ROCK2: variants seen among roughly 807,000 people sequenced by gnomAD.
The protein encoded by ROCK2 is rho-associated protein kinase 2.
A neutral mutation model predicts 195.1 loss-of-function variants in ROCK2; 61 were observed. The observed-to-expected ratio is 0.31, with a 90% CI of 0.25 to 0.39. ROCK2 has a LOEUF of 0.39. Ranked by LOEUF, ROCK2 falls within the 10% of genes least tolerant of loss-of-function variation. The pLI is 1.00. For missense variants in ROCK2, 1,109 were observed against 1,637.4 expected (o/e 0.68, Z 5.57); for synonymous variants, 504 against 545.5 (o/e 0.92, Z 1.06).
chr2:11,216,366 T>C (rs72785497), intron 12 of ROCK2, among the ~76,000 whole-genome samples, 160 bp from the exon 13 acceptor site: 6,451 of 152,270 alleles, frequency 0.042, 274 homozygotes, highest in Non-Finnish European at 0.06. Flanking sequence ...TGGCGCAATC[T>C]TGGCTCACTA....
chr2:11,333,260 TTTTA>T (rs1371746604), intron 1 of ROCK2, among the ~76,000 whole-genome samples: 1 of 152,216 alleles, frequency 6.6e-6, no homozygotes, highest in Admixed American at 6.5e-5. Context: ...ACCACCAGAC[TTTTA>T]TTTCAGAGCT....
At chr2:11,287,481 T>C (rs1305868624) in intron 2 of ROCK2, among the ~76,000 whole-genome samples, 174 bp downstream of exon 2, 3 of 152,180 alleles carry the variant, frequency 2.0e-5, no homozygotes, top group South Asian at 4.1e-4. Context: ...GGTTCTGCAA[T>C]TGCTTTAAAA....
intron 1 of ROCK2, among the ~76,000 whole-genome samples, chr2:11,341,070 A>C (rs957594213): frequency 1.1e-5 from 1 of 89,264 alleles, no homozygotes; most frequent in African/African-American, 3.0e-5. Context: ...ATATTACTGA[A>C]GACTCGCCTC....
At chr2:11,226,196 C>T (rs1422195578) in intron 6 of ROCK2, among the ~76,000 whole-genome samples, 1 of 152,192 alleles carries the variant, frequency 6.6e-6, no homozygotes, top group Non-Finnish European at 1.5e-5. Context: ...CATCCCCATG[C>T]CACGTCACTG....
rs545920730 is a variant in ROCK2 at position 11,283,332 on chromosome 2, G to A, written c.324+3207C>T. ...TCCCAGCACTTTGGGAGGCCGAGGC[G>A]GGTGGATCATGAGGTCAGGAGATCG... is the stretch of plus-strand genomic sequence containing the variant. On this transcript the variant is annotated intron_variant, in intron 3 of 32. Coordinates refer to ENST00000315872, the MANE Select transcript of ROCK2 (RefSeq NM_004850.5). Among the ~76,000 whole-genome samples, 447 of 151,086 alleles carry A rather than the reference G, an allele frequency of 3.0e-3. 3 individuals carry two copies. The highest frequency in any genetic ancestry group is 4.2e-3 in the Non-Finnish European group (286 of 67,712).
intron 1 of ROCK2, among the ~76,000 whole-genome samples, chr2:11,312,879 A>G (rs1204300177): frequency 6.6e-6 from 1 of 152,136 alleles, no homozygotes; most frequent in East Asian, 1.9e-4. Flanking sequence ...TGAAAAGCCT[A>G]CGCACTGGAC....
Position 11,182,559 on chromosome 2 carries a change from T to A in ROCK2, c.*878A>T, listed in dbSNP as rs767032283. 6.6e-6 allele frequency: 1 copy of A among 152,356 alleles called. No individual in the cohort carries two copies. Among genetic ancestry groups the A allele is most frequent in the African/African-American group, 2.4e-5 (1 of 41,466 alleles). 9.4% of individuals were successfully genotyped at this position (152,356 alleles called of 1,614,324 possible). On this transcript the variant is annotated 3_prime_UTR_variant, in exon 33 of 33. Transcript: ENST00000315872. Reference sequence around the variant, plus strand: ...ATTTGTTAATCAAAATAGGCTGACATTGATATAACTATTTATGTGTAAAAA... The same window carrying A: ...ATTTGTTAATCAAAATAGGCTGACAATGATATAACTATTTATGTGTAAAAA...
At chr2:11,263,997 G>C (rs1007715838) in intron 3 of ROCK2, among the ~76,000 whole-genome samples, 3 of 150,400 alleles carry the variant, frequency 2.0e-5, no homozygotes, top group African/African-American at 7.3e-5. Flanking sequence ...AAAAAAACAT[G>C]TATGCTAAAA....
At chr2:11,273,714 CA>C (rs1190583440) in intron 3 of ROCK2, among the ~76,000 whole-genome samples, 9 of 152,130 alleles carry the variant, frequency 5.9e-5, no homozygotes, top group Admixed American at 2.0e-4. Context: ...TTTTCCAAAA[CA>C]GATCATATGT....
intron 1 of ROCK2, among the ~76,000 whole-genome samples, chr2:11,303,021 A>G (rs558933051): frequency 4.1e-4 from 62 of 152,150 alleles, no homozygotes; most frequent in Non-Finnish European, 7.5e-4. Context: ...TTCAACACTC[A>G]TTCATTTGCT....
chr2:11,208,043 A>T (rs995882448), intron 19 of ROCK2, 133 bp from the exon 20 acceptor site: 14 of 515,136 alleles, frequency 2.7e-5, no homozygotes, highest in African/African-American at 9.9e-5. Context: ...TCATACTAAA[A>T]TTTTTTTTGT....
chr2:11,225,205 G>C (rs1003862095), intron 6 of ROCK2, among the ~76,000 whole-genome samples: 9 of 152,148 alleles, frequency 5.9e-5, no homozygotes, highest in Admixed American at 2.0e-4. Context: ...ATGCACTGAA[G>C]CAAGTATAAA....
intron 3 of ROCK2, among the ~76,000 whole-genome samples, chr2:11,259,134 T>C (rs1489910459): frequency 6.6e-6 from 1 of 151,282 alleles, no homozygotes; most frequent in Admixed American, 6.6e-5. Flanking sequence ...AAACCTGTTG[T>C]TGGTTGGTCT....
intron 1 of ROCK2, among the ~76,000 whole-genome samples, chr2:11,339,793 G>C (rs2148279521): frequency 6.6e-6 from 1 of 152,204 alleles, no homozygotes. Context: ...ATGAAGCAAA[G>C]GAACAATAAA....
chr2:11,245,057 A>T (rs1368106867), intron 4 of ROCK2, among the ~76,000 whole-genome samples: 1 of 151,866 alleles, frequency 6.6e-6, no homozygotes, highest in Non-Finnish European at 1.5e-5. Context: ...TAAAAATCAC[A>T]TTATTGCAAA....
chr2:11,255,233 A>AAAAAAAC lies in ROCK2; in HGVS notation c.325-5436_325-5435insGTTTTTT, dbSNP rs1219181701. ...CCCCATCTCAAAAAAAAAAAAAAAA[A>AAAAAAAC]AAAACTTGGGAAACATCTTGATCTT... On this transcript the variant is annotated intron_variant, in intron 3 of 32. Coordinates refer to ENST00000315872, the MANE Select transcript of ROCK2 (RefSeq NM_004850.5). Among the ~76,000 whole-genome samples the AAAAAAAC allele has an allele frequency of 3.4e-3, 507 of 148,004 alleles. 13 individuals carry two copies. Among genetic ancestry groups the AAAAAAAC allele is most frequent in the African/African-American group, 0.012 (468 of 39,370 alleles).
At chr2:11,200,065 G>A (rs934477214) in intron 23 of ROCK2, among the ~76,000 whole-genome samples, 1 of 152,056 alleles carries the variant, frequency 6.6e-6, no homozygotes, top group Admixed American at 6.5e-5. Flanking sequence ...TTTTACCTAG[G>A]CTTTTCCTGA....
intron 3 of ROCK2, among the ~76,000 whole-genome samples, chr2:11,264,940 A>G (rs761713958): frequency 9.9e-5 from 15 of 152,220 alleles, no homozygotes; most frequent in Non-Finnish European, 1.9e-4. Flanking sequence ...GGTTATGACC[A>G]TATGTCAAAG....
intron 5 of ROCK2, among the ~76,000 whole-genome samples, chr2:11,232,042 A>T (rs1169323767): frequency 7.2e-5 from 11 of 152,156 alleles, no homozygotes. Flanking sequence ...ACTTTTAAAA[A>T]TGTAAAAGTT....
Sources: allele counts gnomAD v4.1 joint callset (sites outside exome capture counted in the v4.1 genomes callset), GRCh38; gene constraint gnomAD v4.1.1; transcripts MANE v1.5; gene names NCBI Gene and HGNC (gene_info 2026-07-23, HGNC 2026-07-21).